The following CNOT7 variants were observed in gnomAD, a reference collection of about 807,000 sequenced individuals.
The protein encoded by CNOT7 is BTG1-binding factor 1.
In CNOT7, 4 loss-of-function variants were observed where a neutral mutation model predicts 37.1. The observed-to-expected ratio is 0.11, with a 90% CI of 0.05 to 0.25. CNOT7 has a LOEUF of 0.25. CNOT7 is among the 10% of genes least tolerant of loss of function. The pLI is 1.00. For synonymous variants in CNOT7, 128 were observed against 115.6 expected (o/e 1.11, Z -0.69); for missense variants, 170 against 336.2 (o/e 0.51, Z 3.87).
At chr8:17,242,192 G>A (rs181242316) in intron 3 of CNOT7, 2 of 152,240 alleles carry the variant, frequency 1.3e-5, no homozygotes, top group Non-Finnish European at 2.9e-5. Flanking sequence ...GTAGTGGCCC[G>A]GGTCAGGAAT....
chr8:17,235,185 A>G (rs1375399917), intron 4 of CNOT7, among the ~76,000 whole-genome samples: 1 of 152,204 alleles, frequency 6.6e-6, no homozygotes, highest in Non-Finnish European at 1.5e-5. Flanking sequence ...AGCTGCCCAC[A>G]GATGTCTCAA....
At chr8:17,242,545 T>G (rs1810327543) in intron 3 of CNOT7, 1 of 153,760 alleles carries the variant, frequency 6.5e-6, no homozygotes, top group South Asian at 2.0e-4. Context: ...TAATACTGAC[T>G]TGAAAGGAAA....
rs1215456611 is a variant in CNOT7 at position 17,245,264 on chromosome 8, A to C, written c.-95-17T>G. ...TTTATGTACCTGTCAAAATAAAAAAACAATATGAAGACCAGATATATCAAA... is the reference window on the plus strand; with the variant it reads ...TTTATGTACCTGTCAAAATAAAAAACCAATATGAAGACCAGATATATCAAA... On this transcript the variant is annotated splice_polypyrimidine_tract_variant and intron_variant, in intron 1 of 6. Coordinates refer to ENST00000361272, the MANE Select transcript of CNOT7 (RefSeq NM_013354.7). 8.6e-7 allele frequency: 1 copy of C among 1,160,028 alleles called. No individual in the cohort carries two copies. Among genetic ancestry groups the C allele is most frequent in the Non-Finnish European group, 1.2e-6 (1 of 864,504 alleles). 71.9% of individuals were successfully genotyped at this position (1,160,028 alleles called of 1,614,324 possible). A position where few individuals can be genotyped will look rare whatever the true frequency, so the allele number is the denominator to read the frequency against.
At chr8:17,236,279 A>C (rs1045501864) in intron 4 of CNOT7, among the ~76,000 whole-genome samples, 1 of 152,336 alleles carries the variant, frequency 6.6e-6, no homozygotes, top group Non-Finnish European at 1.5e-5. Flanking sequence ...ACATGTGTGA[A>C]GTGGACCAAG....
Position 17,246,728 on chromosome 8 carries a change from T to C in CNOT7, c.-149A>G, listed in dbSNP as rs912063177. 1 of 189,416 alleles carries C rather than the reference T, an allele frequency of 5.3e-6. No individual in the cohort carries two copies. The highest frequency in any genetic ancestry group is 1.1e-5 in the Non-Finnish European group (1 of 91,476). The allele number at this position is 189,416 out of a possible 1,614,324, so 11.7% of individuals were successfully genotyped here. Reference sequence around the variant, plus strand: ...CTCCTCCTCGCCATAGAGACAGCACTCGGCGGCGGTGGCGGTGGCGGTGGC... The same window carrying C: ...CTCCTCCTCGCCATAGAGACAGCACCCGGCGGCGGTGGCGGTGGCGGTGGC... On this transcript the variant is annotated 5_prime_UTR_variant, in exon 1 of 7. Coordinates refer to ENST00000361272, the MANE Select transcript of CNOT7 (RefSeq NM_013354.7).
intron 1 of CNOT7, chr8:17,246,233 G>A (rs1035524608): frequency 1.3e-5 from 2 of 152,186 alleles, no homozygotes; most frequent in Non-Finnish European, 2.9e-5. Flanking sequence ...CTCATTACTG[G>A]AGAAAGCATC....
At chr8:17,239,931 G>A (rs1217572194) in intron 3 of CNOT7, among the ~76,000 whole-genome samples, 1 of 152,168 alleles carries the variant, frequency 6.6e-6, no homozygotes, top group Non-Finnish European at 1.5e-5. Context: ...ATTCAGTTTG[G>A]AGAGAATTCC....
intron 6 of CNOT7, among the ~76,000 whole-genome samples, chr8:17,231,291 A>G (rs1163211721): frequency 6.6e-6 from 1 of 152,148 alleles, no homozygotes; most frequent in Non-Finnish European, 1.5e-5. Context: ...CCAAACATTC[A>G]CACTCTATTA....
intron 5 of CNOT7, among the ~76,000 whole-genome samples, chr8:17,233,111 AAAAG>A (rs1211714502): frequency 6.6e-6 from 1 of 152,206 alleles, no homozygotes; most frequent in African/African-American, 2.4e-5. Flanking sequence ...CTAAGATTAA[AAAAG>A]AAAGATGAGA....
chr8:17,234,530 G>A, intron 5 of CNOT7, 186 bp downstream of exon 5: 1 of 598,986 alleles, frequency 1.7e-6, no homozygotes, highest in Non-Finnish European at 2.9e-6. Context: ...ACATACTGAA[G>A]CTCTGAAAAA....
At chr8:17,232,884 T>C (rs1264498546) in intron 5 of CNOT7, among the ~76,000 whole-genome samples, 2 of 152,166 alleles carry the variant, frequency 1.3e-5, no homozygotes, top group Non-Finnish European at 2.9e-5. Flanking sequence ...CAGTAATAAT[T>C]ATAAAACTGA....
At chr8:17,231,822 T>G (rs1369841422) in intron 6 of CNOT7, 1 of 985,788 alleles carries the variant, frequency 1.0e-6, no homozygotes, top group Non-Finnish European at 1.2e-6. Flanking sequence ...CTTTTGCCGT[T>G]TAAGGAGGGT....
intron 3 of CNOT7, among the ~76,000 whole-genome samples, chr8:17,239,293 C>T (rs1489877279): frequency 6.6e-6 from 1 of 152,118 alleles, no homozygotes; most frequent in Non-Finnish European, 1.5e-5. Context: ...ACAATCTGCC[C>T]ACCCTGGCTT....
At position 17,245,176 on chromosome 8, in the gene CNOT7, A is replaced by C. The variant is rs1292184978; in HGVS notation, c.-24T>G. 1 of 1,585,736 alleles carries C rather than the reference A, an allele frequency of 6.3e-7. No individual in the cohort carries two copies. The highest frequency in any genetic ancestry group is 1.4e-5 in the African/African-American group (1 of 73,540). ...ATAGTGAGGGCACAAGGGAGTCTAG[A>C]TGCCAAGCATCAAAATGTTATACTT... On this transcript the variant is annotated 5_prime_UTR_variant, in exon 2 of 7. Coordinates refer to ENST00000361272, the MANE Select transcript of CNOT7 (RefSeq NM_013354.7).
chr8:17,231,648 T>C lies in CNOT7; in HGVS notation c.729+779A>G, dbSNP rs982860694. On this transcript the variant is annotated intron_variant, in intron 6 of 6. Coordinates refer to ENST00000361272, the MANE Select transcript of CNOT7 (RefSeq NM_013354.7). The stretch of plus-strand genomic sequence containing the variant: ...GAATTTTTCCAAAAGGGAAAACTTA[T>C]AGTCAAGAAAAACCTCACTTGTTTT... The C allele has an allele frequency of 3.9e-5, 38 of 985,292 alleles. 1 individual carries two copies. The highest frequency in any genetic ancestry group is 4.7e-5 in the South Asian group (1 of 21,294). The allele number at this position is 985,292 out of a possible 1,614,324, so 61.0% of individuals were successfully genotyped here. A position where few individuals can be genotyped will look rare whatever the true frequency, so the allele number is the denominator to read the frequency against.
Position 17,230,775 on chromosome 8 carries a change from T to C in CNOT7, c.803A>G (p.Tyr268Cys), listed in dbSNP as rs149444121. 7 of 1,610,412 alleles carry C rather than the reference T, an allele frequency of 4.3e-6. No individual in the cohort carries two copies. The highest frequency in any genetic ancestry group is 1.7e-5 in the Admixed American group (1 of 59,874). Residue 268 changes from tyrosine to cysteine, a missense_variant, in exon 7 of 7, where the codon TAT becomes TGT. Tyr to Cys is a radical substitution (Grantham distance 194). Coordinates refer to ENST00000361272, the MANE Select transcript of CNOT7 (RefSeq NM_013354.7). ...TGCATTCCCTGTGCCATTCTGTACA[T>C]AGGATGAACCAGAACCAAGGCCATA... ...HLYGLGSGSSYVQNGTGNAYE... is the reference protein window; with the variant it reads ...HLYGLGSGSSCVQNGTGNAYE...
intron 4 of CNOT7, among the ~76,000 whole-genome samples, chr8:17,236,412 C>G (rs1169388907): frequency 2.0e-5 from 3 of 152,166 alleles, no homozygotes; most frequent in Non-Finnish European, 4.4e-5. Flanking sequence ...TGGGAAAACT[C>G]TTTTTCATAC....
chr8:17,231,946 A>C (rs1254570723), intron 6 of CNOT7: 1 of 987,630 alleles, frequency 1.0e-6, no homozygotes, highest in East Asian at 1.1e-4. Flanking sequence ...CTTCTCTATA[A>C]AATCTTCAAA....
chr8:17,233,878 C>A (rs930477642), intron 5 of CNOT7, among the ~76,000 whole-genome samples: 2 of 152,134 alleles, frequency 1.3e-5, no homozygotes, highest in African/African-American at 4.8e-5. Context: ...CACGGTAAAA[C>A]CCCGACTCTA....
Sources: allele counts gnomAD v4.1 joint callset (sites outside exome capture counted in the v4.1 genomes callset), GRCh38; gene constraint gnomAD v4.1.1; transcripts MANE v1.5; gene names NCBI Gene and HGNC (gene_info 2026-07-23, HGNC 2026-07-21).